The following PDS5B variants were observed in gnomAD, a reference collection of about 807,000 sequenced individuals.
PDS5B encodes the protein PDS5 cohesin associated factor B.
Under a neutral mutation model 184.1 loss-of-function variants are expected in PDS5B, and 51 were observed. The observed-to-expected ratio is 0.28, with a 90% CI of 0.22 to 0.35. PDS5B has a LOEUF of 0.35. Among genes scored for constraint, PDS5B ranks in the 10% least tolerant of loss-of-function variants. The pLI is 1.00. For missense variants in PDS5B, 1,180 were observed against 1,723.3 expected, an observed-to-expected ratio of 0.68 and a Z score of 5.58; for synonymous variants, 566 against 569.2, an observed-to-expected ratio of 0.99 and a Z score of 0.08.
At position 32,758,073 on chromosome 13, in the gene PDS5B, T is replaced by G; in HGVS notation, c.3057-14T>G. 1 of 1,178,436 alleles carries G rather than the reference T, an allele frequency of 8.5e-7. No homozygotes were observed. The highest frequency in any genetic ancestry group is 1.1e-6 in the Non-Finnish European group (1 of 880,640). The allele number at this position is 1,178,436 out of a possible 1,614,324, so 73.0% of individuals were successfully genotyped here. On this transcript the variant is annotated splice_polypyrimidine_tract_variant and intron_variant, in intron 26 of 34. Transcript: ENST00000315596. ...TTTCTTCTATATTTCTTTTTTCCTT[T>G]TTTTTTTTTTTAGATGTCTTTGGTT...
chr13:32,638,465 G>A (rs2058600836), intron 1 of PDS5B, among the ~76,000 whole-genome samples: 1 of 152,166 alleles, frequency 6.6e-6, no homozygotes, highest in South Asian at 2.1e-4. Flanking sequence ...AATATGAATA[G>A]TGAATGGGAA....
chr13:32,669,379 T>C (rs1229705570), intron 7 of PDS5B, among the ~76,000 whole-genome samples: 1 of 151,972 alleles, frequency 6.6e-6, no homozygotes, highest in Admixed American at 6.6e-5. Context: ...TGTATTGATA[T>C]CTCTACTGTT....
At chr13:32,659,971 TAAAGA>T (rs1950601797) in intron 6 of PDS5B, among the ~76,000 whole-genome samples, 1 of 152,166 alleles carries the variant, frequency 6.6e-6, no homozygotes, top group African/African-American at 2.4e-5. Context: ...TCCAAACTCT[TAAAGA>T]AAACAGTCTC....
At chr13:32,634,099 C>T (rs934538736) in intron 1 of PDS5B, among the ~76,000 whole-genome samples, 20 of 152,132 alleles carry the variant, frequency 1.3e-4, no homozygotes, top group East Asian at 9.7e-4. Context: ...TTCAGTGAGC[C>T]TCTTGCAGTC....
chr13:32,619,030 C>T (rs934755384), intron 1 of PDS5B, among the ~76,000 whole-genome samples: 4 of 150,750 alleles, frequency 2.7e-5, no homozygotes, highest in Non-Finnish European at 4.4e-5. Context: ...ACCGTCATAC[C>T]ACACTTCCTT....
intron 19 of PDS5B, among the ~76,000 whole-genome samples, chr13:32,730,853 C>G: frequency 6.6e-6 from 1 of 152,228 alleles, no homozygotes; most frequent in South Asian, 2.1e-4. Context: ...TTGGCTGAGA[C>G]GACAGGGTTT....
intron 1 of PDS5B, among the ~76,000 whole-genome samples, chr13:32,629,947 T>TG (rs1490664756): frequency 6.6e-6 from 1 of 152,240 alleles, no homozygotes; most frequent in Non-Finnish European, 1.5e-5. Context: ...TTATAGGCTT[T>TG]TAATGGGTTA....
intron 1 of PDS5B, among the ~76,000 whole-genome samples, chr13:32,592,847 C>T (rs980677663): frequency 3.9e-5 from 6 of 152,086 alleles, no homozygotes; most frequent in Non-Finnish European, 8.8e-5. Context: ...GTCAAGACAG[C>T]TTGGGTTTTT....
intron 25 of PDS5B, 58 bp downstream of exon 25, chr13:32,753,594 A>T (rs1771955733): frequency 1.8e-6 from 2 of 1,139,948 alleles, no homozygotes; most frequent in Admixed American, 4.2e-5. Flanking sequence ...TCAGTTTTAT[A>T]GAATATAGCA....
intron 1 of PDS5B, among the ~76,000 whole-genome samples, chr13:32,639,931 G>A (rs1188247443): frequency 6.6e-6 from 1 of 152,154 alleles, no homozygotes; most frequent in Non-Finnish European, 1.5e-5. Context: ...CATGAAACTG[G>A]CAGATGCCGG....
At chr13:32,740,347 T>G (rs1169485284) in intron 21 of PDS5B, among the ~76,000 whole-genome samples, 1 of 152,208 alleles carries the variant, frequency 6.6e-6, no homozygotes, top group Non-Finnish European at 1.5e-5. Flanking sequence ...TTATTTTTAC[T>G]TCATACTTTG....
In PDS5B at chr13:32,683,876, A is replaced by G. The variant is rs1367006276; in HGVS notation, c.1058-2A>G. 6.3e-7 allele frequency: 1 copy of G among 1,577,176 alleles called. No homozygotes were observed. Among genetic ancestry groups the G allele is most frequent in the Non-Finnish European group, 8.7e-7 (1 of 1,153,998 alleles). ...CCACTGTAATAAAATGTTATCTTTC[A>G]GAGTATCTTAAAGTGAGGTCACATG... On this transcript the variant is annotated splice_acceptor_variant, in intron 10 of 34. Transcript: ENST00000315596. LOFTEE classifies it high-confidence loss of function.
At chr13:32,612,169 C>T (rs1038852149) in intron 1 of PDS5B, among the ~76,000 whole-genome samples, 3 of 151,906 alleles carry the variant, frequency 2.0e-5, no homozygotes, top group Non-Finnish European at 4.4e-5. Context: ...ATTCAGACAC[C>T]TGGAATCTTT....
chr13:32,723,573 G>T (rs1044474692), intron 19 of PDS5B, among the ~76,000 whole-genome samples: 2 of 152,052 alleles, frequency 1.3e-5, no homozygotes, highest in Non-Finnish European at 2.9e-5. Context: ...GTTTCAGTTT[G>T]TTTTCTTTTA....
chr13:32,679,884 AGTGTGT>A (rs34635708), intron 10 of PDS5B, among the ~76,000 whole-genome samples: 1,645 of 143,680 alleles, frequency 0.011, 29 homozygotes, highest in African/African-American at 0.036. Flanking sequence ...TTCGTCTGTG[AGTGTGT>A]GTGTGTGTGT....
At chr13:32,614,811 C>G (rs1033764386) in intron 1 of PDS5B, among the ~76,000 whole-genome samples, 1 of 152,156 alleles carries the variant, frequency 6.6e-6, no homozygotes, top group African/African-American at 2.4e-5. Context: ...CAGGTTCTTT[C>G]CACTGTACCT....
chr13:32,632,930 C>T (rs149238323), intron 1 of PDS5B, among the ~76,000 whole-genome samples: 1,529 of 151,910 alleles, frequency 0.01, 12 homozygotes, highest in African/African-American at 0.026. Flanking sequence ...GGTGAAACCC[C>T]GTCTCTACTA....
chr13:32,613,837 C>G (rs2058178950), intron 1 of PDS5B, among the ~76,000 whole-genome samples: 1 of 152,142 alleles, frequency 6.6e-6, no homozygotes, highest in African/African-American at 2.4e-5. Flanking sequence ...ATTTAAATCT[C>G]TGTTTTTGCC....
intron 24 of PDS5B, among the ~76,000 whole-genome samples, chr13:32,747,616 G>T (rs1439386054): frequency 6.6e-6 from 1 of 151,430 alleles, no homozygotes; most frequent in East Asian, 1.9e-4. Flanking sequence ...TTTGGGGGGA[G>T]CCCATAACTT....
Sources: gnomAD v4.1 joint callset for allele counts (sites outside exome capture counted in the v4.1 genomes callset) on GRCh38, gnomAD v4.1.1 for gene constraint, MANE v1.5 for transcripts, NCBI Gene and HGNC (gene_info 2026-07-23, HGNC 2026-07-21) for gene names.